Variants in CSMD1 observed in about 807,000 individuals in gnomAD.
CSMD1 encodes CUB and sushi domain-containing protein 1.
A neutral mutation model predicts 417.5 loss-of-function variants in CSMD1; 213 were observed. The observed-to-expected ratio is 0.51, with a 90% CI of 0.46 to 0.57. The LOEUF (loss-of-function observed/expected upper bound fraction) is 0.57, where lower values mean the gene tolerates loss of function less well. Among genes scored for constraint, CSMD1 ranks in the 20% least tolerant of loss-of-function variants. CSMD1 has a pLI of 0.00. For synonymous variants in CSMD1, 2,862 were observed against 1,736.8 expected (o/e 1.65, Z -16.11); for missense variants, 6,923 against 4,529.7 (o/e 1.53, Z -15.17).
intron 3 of CSMD1, among the ~76,000 whole-genome samples, chr8:4,169,834 T>C (rs1797665922): frequency 6.6e-6 from 1 of 152,156 alleles, no homozygotes; most frequent in South Asian, 2.1e-4. Flanking sequence ...CCTTCCTGAA[T>C]TATTTCCATA....
intron 2 of CSMD1, among the ~76,000 whole-genome samples, chr8:4,454,482 T>C (rs1332837497): frequency 6.6e-6 from 1 of 152,184 alleles, no homozygotes; most frequent in Non-Finnish European, 1.5e-5. Flanking sequence ...AGTATTTTGT[T>C]CCCCTAGTCA....
At chr8:3,158,805 A>C (rs1819700372) in intron 38 of CSMD1, among the ~76,000 whole-genome samples, 1 of 152,046 alleles carries the variant, frequency 6.6e-6, no homozygotes, top group Non-Finnish European at 1.5e-5. Flanking sequence ...TTATCTCATA[A>C]ATTTCCATTT....
intron 7 of CSMD1, among the ~76,000 whole-genome samples, chr8:3,648,979 T>A (rs190634732): frequency 6.6e-6 from 1 of 152,250 alleles, no homozygotes; most frequent in African/African-American, 2.4e-5. Flanking sequence ...GCATGGTGTT[T>A]GAGATTCTCT....
At chr8:3,526,693 C>G (rs1327052930) in intron 10 of CSMD1, among the ~76,000 whole-genome samples, 1 of 152,176 alleles carries the variant, frequency 6.6e-6, no homozygotes, top group Non-Finnish European at 1.5e-5. Context: ...GATCTGGCTT[C>G]AAAGCCAAAA....
intron 12 of CSMD1, among the ~76,000 whole-genome samples, chr8:3,420,590 C>G (rs1424415361): frequency 6.6e-6 from 1 of 151,962 alleles, no homozygotes; most frequent in African/African-American, 2.4e-5. Flanking sequence ...TTCTTTAAAC[C>G]TAAAACTACT....
intron 3 of CSMD1, among the ~76,000 whole-genome samples, chr8:4,072,372 C>T (rs896401314): frequency 6.6e-6 from 1 of 152,116 alleles, no homozygotes; most frequent in African/African-American, 2.4e-5. Flanking sequence ...ATAATAGCTA[C>T]CTGCCTTTAG....
intron 3 of CSMD1, among the ~76,000 whole-genome samples, chr8:4,151,230 C>T (rs954491172): frequency 3.9e-5 from 6 of 152,094 alleles, no homozygotes; most frequent in East Asian, 1.9e-4. Flanking sequence ...AGTATAAATA[C>T]GGTGAAGTTT....
chr8:3,463,903 A>G (rs948632137), intron 12 of CSMD1, among the ~76,000 whole-genome samples: 14 of 152,206 alleles, frequency 9.2e-5, no homozygotes, highest in Non-Finnish European at 1.8e-4. Flanking sequence ...CTAGGAGCAC[A>G]GACCCTTGGC....
intron 41 of CSMD1, among the ~76,000 whole-genome samples, chr8:3,141,194 G>T (rs946624818): frequency 6.6e-6 from 1 of 152,014 alleles, no homozygotes; most frequent in Admixed American, 6.6e-5. Flanking sequence ...GGTGGGATGG[G>T]AGTACAGGTG....
At chr8:3,821,405 G>A (rs769996684) in intron 5 of CSMD1, among the ~76,000 whole-genome samples, 5 of 152,288 alleles carry the variant, frequency 3.3e-5, no homozygotes, top group South Asian at 4.1e-4. Flanking sequence ...CCACACACAC[G>A]CGCATGTGGA....
intron 5 of CSMD1, among the ~76,000 whole-genome samples, chr8:3,838,161 G>C (rs1390508423): frequency 2.6e-5 from 4 of 152,082 alleles, no homozygotes; most frequent in Non-Finnish European, 1.5e-5. Context: ...AAGTATTGCA[G>C]AATACAAATG....
intron 12 of CSMD1, among the ~76,000 whole-genome samples, chr8:3,454,628 T>A (rs375559011): frequency 6.6e-6 from 1 of 152,226 alleles, no homozygotes; most frequent in African/African-American, 2.4e-5. Context: ...TTTAGGAATG[T>A]TGAATATTGG....
At chr8:3,600,228 C>A (rs1297230154) in intron 8 of CSMD1, among the ~76,000 whole-genome samples, 1 of 152,172 alleles carries the variant, frequency 6.6e-6, no homozygotes, top group South Asian at 2.1e-4. Context: ...CTCCTTTTCT[C>A]CTTCTCCTCC....
chr8:3,309,470 A>AAGAAAT (rs1303979662), intron 23 of CSMD1, among the ~76,000 whole-genome samples: 3 of 152,154 alleles, frequency 2.0e-5, no homozygotes. Context: ...CTTAAACTCA[A>AAGAAAT]AGAAATAGAT....
intron 11 of CSMD1, among the ~76,000 whole-genome samples, chr8:3,479,192 A>G (rs1486143402): frequency 6.6e-6 from 1 of 152,236 alleles, no homozygotes; most frequent in Admixed American, 6.5e-5. Context: ...AAATAGGCTG[A>G]GACCCACATG....
At chr8:3,937,229 C>T (rs1328473442) in intron 5 of CSMD1, among the ~76,000 whole-genome samples, 1 of 152,136 alleles carries the variant, frequency 6.6e-6, no homozygotes, top group Non-Finnish European at 1.5e-5. Context: ...GTGATTATTT[C>T]ATAAACTCAG....
At chr8:4,219,285 G>T (rs1210187777) in intron 3 of CSMD1, among the ~76,000 whole-genome samples, 1 of 152,130 alleles carries the variant, frequency 6.6e-6, no homozygotes, top group African/African-American at 2.4e-5. Context: ...ATTTCTTTCA[G>T]TTCAAATGCA....
chr8:3,077,504 C>T (rs1813768208), intron 49 of CSMD1, among the ~76,000 whole-genome samples: 1 of 152,232 alleles, frequency 6.6e-6, no homozygotes, highest in African/African-American at 2.4e-5. Flanking sequence ...CTGTGATGGT[C>T]TCTGGGCAGA....
chr8:3,528,949 T>G (rs1372388998), intron 10 of CSMD1, among the ~76,000 whole-genome samples: 2 of 152,240 alleles, frequency 1.3e-5, no homozygotes, highest in Non-Finnish European at 2.9e-5. Flanking sequence ...GATAATTACA[T>G]GCCAGTGAAA....
Sources: allele counts gnomAD v4.1 joint callset (sites outside exome capture counted in the v4.1 genomes callset), GRCh38; gene constraint gnomAD v4.1.1; transcripts MANE v1.5; gene names NCBI Gene and HGNC (gene_info 2026-07-23, HGNC 2026-07-21).